The following PCDH9 variants were observed in gnomAD, a reference collection of about 807,000 sequenced individuals.
PCDH9 encodes protocadherin-9.
In PCDH9, 24 loss-of-function variants were observed where a neutral mutation model predicts 70.6. The ratio of observed to expected loss-of-function variants is 0.34; its 90% confidence interval spans 0.25 to 0.48. PCDH9 has a LOEUF of 0.48. PCDH9 is among the 20% of genes least tolerant of loss of function. The pLI is 0.99. For missense variants in PCDH9, 1,281 were observed against 1,503.6 expected (o/e 0.85, Z 2.45); for synonymous variants, 562 against 558.5 (o/e 1.01, Z -0.09).
At chr13:66,702,038 A>G (rs1164835667) in intron 3 of PCDH9, among the ~76,000 whole-genome samples, 1 of 152,160 alleles carries the variant, frequency 6.6e-6, no homozygotes, top group Non-Finnish European at 1.5e-5. Flanking sequence ...AGCTGCCCAG[A>G]GTGTATTTTC....
intron 4 of PCDH9, among the ~76,000 whole-genome samples, chr13:66,612,210 T>C (rs1233623396): frequency 6.6e-6 from 1 of 152,168 alleles, no homozygotes; most frequent in East Asian, 1.9e-4. Flanking sequence ...ATAAGGAATC[T>C]TAAAATGTGA....
chr13:66,479,950 G>A (rs1187522541), intron 4 of PCDH9, among the ~76,000 whole-genome samples: 1 of 152,158 alleles, frequency 6.6e-6, no homozygotes, highest in Non-Finnish European at 1.5e-5. Flanking sequence ...TCCATGGTGT[G>A]GAAGCTTTGT....
In PCDH9 at chr13:67,073,272, T is replaced by C. The variant is rs555996961; in HGVS notation, c.3036+152133A>G. On this transcript the variant is annotated intron_variant, in intron 2 of 4. Coordinates refer to ENST00000377865, the MANE Select transcript of PCDH9 (RefSeq NM_203487.3). ...AGAGCAAAGCTAAGGTGAATGGATC[T>C]GGAAAATTGTCCCAAGAAGTGTTAT... Among the ~76,000 whole-genome samples the C allele has an allele frequency of 2.2e-4, 34 of 152,290 alleles. No individual in the cohort carries two copies. In the East Asian group the frequency reaches 4.6e-3, roughly 21 times the overall value.
At chr13:66,993,922 G>C (rs1182173948) in intron 2 of PCDH9, among the ~76,000 whole-genome samples, 3 of 152,140 alleles carry the variant, frequency 2.0e-5, no homozygotes. Context: ...TTGGAATACA[G>C]AGAGCCCGTT....
At chr13:66,887,074 CA>C (rs1566267418) in intron 3 of PCDH9, among the ~76,000 whole-genome samples, 36 of 137,738 alleles carry the variant, frequency 2.6e-4, no homozygotes, top group South Asian at 4.8e-4. Context: ...CACACACACA[CA>C]CACCCTGTAT....
intron 4 of PCDH9, among the ~76,000 whole-genome samples, chr13:66,369,600 G>A (rs1344263268): frequency 6.6e-6 from 1 of 152,066 alleles, no homozygotes; most frequent in South Asian, 2.1e-4. Flanking sequence ...GAAAAAGAAG[G>A]TAATTTTATG....
chr13:66,824,066 A>AT (rs2080764893), intron 3 of PCDH9, among the ~76,000 whole-genome samples: 1 of 151,870 alleles, frequency 6.6e-6, no homozygotes, highest in African/African-American at 2.4e-5. Context: ...TTCTTTCATA[A>AT]CTTACTGTAC....
intron 3 of PCDH9, among the ~76,000 whole-genome samples, chr13:66,760,571 T>C (rs1334981322): frequency 1.3e-5 from 2 of 152,196 alleles, no homozygotes; most frequent in Non-Finnish European, 2.9e-5. Flanking sequence ...GTGATGATTG[T>C]TATCTGTACA....
At chr13:66,974,740 T>C (rs1482571817) in intron 2 of PCDH9, among the ~76,000 whole-genome samples, 2 of 152,052 alleles carry the variant, frequency 1.3e-5, no homozygotes, top group African/African-American at 4.8e-5. Flanking sequence ...ACAAATCCCA[T>C]TCATAAATGA....
chr13:67,212,017 T>C (rs2089478867), intron 2 of PCDH9: 1 of 152,170 alleles, frequency 6.6e-6, no homozygotes, highest in Admixed American at 6.5e-5. Flanking sequence ...ACATTATTCA[T>C]GTGTGCCATG....
intron 2 of PCDH9, among the ~76,000 whole-genome samples, chr13:67,155,557 C>G (rs1019686772): frequency 6.6e-6 from 1 of 152,098 alleles, no homozygotes; most frequent in Non-Finnish European, 1.5e-5. Flanking sequence ...ATGTTAGATG[C>G]TTGATGTGTT....
At chr13:66,322,842 A>T (rs1187052615) in intron 4 of PCDH9, among the ~76,000 whole-genome samples, 1 of 152,026 alleles carries the variant, frequency 6.6e-6, no homozygotes, top group Non-Finnish European at 1.5e-5. Flanking sequence ...ATGTATAAAA[A>T]ACATCTTTAT....
chr13:66,506,925 C>T (rs186173645), intron 4 of PCDH9, among the ~76,000 whole-genome samples: 1 of 152,266 alleles, frequency 6.6e-6, no homozygotes, highest in Admixed American at 6.5e-5. Context: ...CTTTGTTGTG[C>T]AGGAAAACCT....
chr13:66,386,418 T>G (rs1279026562), intron 4 of PCDH9, among the ~76,000 whole-genome samples: 1 of 152,154 alleles, frequency 6.6e-6, no homozygotes, highest in African/African-American at 2.4e-5. Context: ...CATGACTTTT[T>G]TGGATGGGGG....
chr13:67,177,740 C>T (rs2088502884), intron 2 of PCDH9, among the ~76,000 whole-genome samples: 1 of 152,034 alleles, frequency 6.6e-6, no homozygotes, highest in Non-Finnish European at 1.5e-5. Context: ...GTCCTGAAAT[C>T]TCTGTTTTCA....
At chr13:66,493,845 C>T (rs1196585419) in intron 4 of PCDH9, among the ~76,000 whole-genome samples, 2 of 152,000 alleles carry the variant, frequency 1.3e-5, no homozygotes, top group Non-Finnish European at 2.9e-5. Flanking sequence ...TTAATCAATG[C>T]TCAAGGCCTA....
chr13:66,747,672 CA>C (rs528272941), intron 3 of PCDH9, among the ~76,000 whole-genome samples: 124 of 151,620 alleles, frequency 8.2e-4, no homozygotes, highest in Middle Eastern at 6.9e-3. Flanking sequence ...TATATATAAT[CA>C]AAAAAACATA....
At chr13:66,346,093 A>G (rs1413673514) in intron 4 of PCDH9, among the ~76,000 whole-genome samples, 1 of 152,200 alleles carries the variant, frequency 6.6e-6, no homozygotes, top group Admixed American at 6.5e-5. Flanking sequence ...TGGCAGGCGC[A>G]GTGATTTGCT....
chr13:66,670,912 TA>T (rs35287889), intron 3 of PCDH9, among the ~76,000 whole-genome samples: 50,327 of 120,114 alleles, frequency 0.42, 10,526 homozygotes, highest in East Asian at 0.59. Context: ...TGTTCTTATT[TA>T]AAAAAAAAAA....
Sources: allele counts gnomAD v4.1 joint callset (sites outside exome capture counted in the v4.1 genomes callset), GRCh38; gene constraint gnomAD v4.1.1; transcripts MANE v1.5; gene names NCBI Gene and HGNC (gene_info 2026-07-23, HGNC 2026-07-21).